ZMAT4: variants seen among roughly 807,000 people sequenced by gnomAD.
ZMAT4 encodes the protein zinc finger matrin-type 4, also known as zinc finger matrin-type protein 4.
Under a neutral mutation model 28.7 loss-of-function variants are expected in ZMAT4, and 17 were observed. The observed-to-expected ratio is 0.59, with a 90% CI of 0.41 to 0.89. ZMAT4 has a LOEUF of 0.89. ZMAT4 is among the 40% of genes least tolerant of loss of function. The pLI is 0.00. For synonymous variants in ZMAT4, 117 were observed against 109.2 expected, an observed-to-expected ratio of 1.07 and a Z score of -0.44; for missense variants, 240 against 283.8, an observed-to-expected ratio of 0.85 and a Z score of 1.11.
rs143809904 is a variant in ZMAT4 at position 40,799,836 on chromosome 8, C to A, written c.102+25739G>T. 8.4e-3 allele frequency among the ~76,000 whole-genome samples: 1,274 copies of A among 152,098 alleles called. 16 individuals are homozygous for A. Among genetic ancestry groups the A allele is most frequent in the African/African-American group, 0.029 (1,193 of 41,490 alleles). The stretch of plus-strand genomic sequence containing the variant: ...ATTTTGATATTATGAGATACACCAA[C>A]CATGAAGGGGTATAGTGCTATTTGA... On this transcript the variant is annotated intron_variant, in intron 2 of 6. Coordinates refer to ENST00000297737, the MANE Select transcript of ZMAT4 (RefSeq NM_024645.3).
intron 3 of ZMAT4, among the ~76,000 whole-genome samples, chr8:40,707,948 C>A (rs1444949504): frequency 6.6e-6 from 1 of 152,070 alleles, no homozygotes; most frequent in East Asian, 1.9e-4. Context: ...AATGAGAGTT[C>A]TCAGAAAATG....
intron 1 of ZMAT4, among the ~76,000 whole-genome samples, chr8:40,889,981 C>T (rs765377464): frequency 2.6e-5 from 4 of 152,292 alleles, no homozygotes; most frequent in South Asian, 2.1e-4. Flanking sequence ...GTCCATTTCC[C>T]AGCAACACTG....
chr8:40,635,037 T>C (rs1806739120), intron 5 of ZMAT4, among the ~76,000 whole-genome samples: 1 of 152,178 alleles, frequency 6.6e-6, no homozygotes. Context: ...TGAGAGATCT[T>C]TTTAAAGGCA....
intron 1 of ZMAT4, among the ~76,000 whole-genome samples, chr8:40,853,840 T>C (rs1423145688): frequency 1.3e-5 from 2 of 152,182 alleles, no homozygotes; most frequent in Non-Finnish European, 2.9e-5. Flanking sequence ...CCTGTGAAAG[T>C]GTCTGTATTT....
intron 1 of ZMAT4, among the ~76,000 whole-genome samples, chr8:40,829,559 G>T (rs1267789068): frequency 6.6e-6 from 1 of 152,156 alleles, no homozygotes; most frequent in Non-Finnish European, 1.5e-5. Flanking sequence ...TTCTATAATG[G>T]TTTGGGGAAA....
At chr8:40,692,498 A>T (rs1809705192) in intron 4 of ZMAT4, among the ~76,000 whole-genome samples, 1 of 152,202 alleles carries the variant, frequency 6.6e-6, no homozygotes, top group Non-Finnish European at 1.5e-5. Context: ...GTATCACAAT[A>T]AAGGCTTATT....
chr8:40,875,711 C>T (rs1194239290), intron 1 of ZMAT4, among the ~76,000 whole-genome samples: 3 of 152,046 alleles, frequency 2.0e-5, no homozygotes, highest in Non-Finnish European at 4.4e-5. Context: ...TGAGGTCATG[C>T]TACTCCCCCA....
At chr8:40,722,961 C>T (rs569464291) in intron 3 of ZMAT4, among the ~76,000 whole-genome samples, 128 of 152,248 alleles carry the variant, frequency 8.4e-4, no homozygotes, top group Non-Finnish European at 1.5e-3. Context: ...GCATGTGAGG[C>T]CCCTACCCAC....
intron 5 of ZMAT4, among the ~76,000 whole-genome samples, chr8:40,648,899 TG>T (rs1807487171): frequency 7.0e-6 from 1 of 143,400 alleles, no homozygotes; most frequent in Non-Finnish European, 1.5e-5. Context: ...CCACCAGGCC[TG>T]CCCTAAAACA....
intron 5 of ZMAT4, among the ~76,000 whole-genome samples, chr8:40,648,415 G>A (rs1454562396): frequency 6.7e-6 from 1 of 150,194 alleles, no homozygotes; most frequent in Admixed American, 6.7e-5. Context: ...CAAGAAATAT[G>A]GGACTATGTG....
At chr8:40,790,515 T>G (rs1814279295) in intron 2 of ZMAT4, among the ~76,000 whole-genome samples, 1 of 152,182 alleles carries the variant, frequency 6.6e-6, no homozygotes, top group African/African-American at 2.4e-5. Flanking sequence ...ACATTTATAA[T>G]TTAATTGTTT....
intron 5 of ZMAT4, among the ~76,000 whole-genome samples, chr8:40,662,206 C>T (rs564830499): frequency 6.6e-6 from 1 of 152,118 alleles, no homozygotes; most frequent in East Asian, 1.9e-4. Context: ...CTCTCGAATT[C>T]CCGTGCTCAA....
At chr8:40,631,889 A>G (rs1263960823) in intron 5 of ZMAT4, among the ~76,000 whole-genome samples, 1 of 152,216 alleles carries the variant, frequency 6.6e-6, no homozygotes, top group Non-Finnish European at 1.5e-5. Context: ...TTTCAGTTCA[A>G]GATGAATCCT....
intron 5 of ZMAT4, among the ~76,000 whole-genome samples, chr8:40,640,402 C>T (rs1240702379): frequency 1.3e-5 from 2 of 152,196 alleles, no homozygotes; most frequent in African/African-American, 4.8e-5. Context: ...GCCAGTGGCT[C>T]CATCTTGATT....
chr8:40,872,307 C>A (rs1293695264), intron 1 of ZMAT4, among the ~76,000 whole-genome samples: 1 of 152,232 alleles, frequency 6.6e-6, no homozygotes, highest in Admixed American at 6.5e-5. Flanking sequence ...CAGAGCACCA[C>A]CAAAAGCTGC....
At chr8:40,673,039 T>C (rs1808746278) in intron 5 of ZMAT4, among the ~76,000 whole-genome samples, 1 of 152,202 alleles carries the variant, frequency 6.6e-6, no homozygotes, top group Non-Finnish European at 1.5e-5. Flanking sequence ...AAAAAATCAA[T>C]CTCGAATCAA....
intron 1 of ZMAT4, among the ~76,000 whole-genome samples, chr8:40,842,585 G>T (rs536153360): frequency 5.3e-5 from 8 of 152,226 alleles, no homozygotes; most frequent in Non-Finnish European, 8.8e-5. Context: ...TGATTTGGGG[G>T]TCAAGAGAAA....
At chr8:40,593,698 C>T (rs139188232) in intron 5 of ZMAT4, among the ~76,000 whole-genome samples, 4 of 152,270 alleles carry the variant, frequency 2.6e-5, no homozygotes, top group East Asian at 1.9e-4. Context: ...TAGGACTCGA[C>T]GTTGAGTCGT....
At chr8:40,701,937 A>G (rs1810167007) in intron 3 of ZMAT4, among the ~76,000 whole-genome samples, 1 of 152,168 alleles carries the variant, frequency 6.6e-6, no homozygotes, top group Non-Finnish European at 1.5e-5. Context: ...TTAATCCCCA[A>G]TGCAACAGTG....
Sources: gnomAD v4.1 joint callset for allele counts (sites outside exome capture counted in the v4.1 genomes callset) on GRCh38, gnomAD v4.1.1 for gene constraint, MANE v1.5 for transcripts, NCBI Gene and HGNC (gene_info 2026-07-23, HGNC 2026-07-21) for gene names.